GPC5: variants seen among roughly 807,000 people sequenced by gnomAD.
GPC5 encodes glypican-5.
In GPC5, 47 loss-of-function variants were observed where a neutral mutation model predicts 53.9. The observed-to-expected ratio is 0.87, with a 90% CI of 0.69 to 1.11. GPC5 has a LOEUF of 1.11. Ranked by LOEUF, GPC5 falls within the 50% of genes most tolerant of loss-of-function variation. The probability of loss-of-function intolerance (pLI) is 0.00; values close to 1 mark genes in which losing one functional copy is unlikely to be tolerated. For synonymous variants in GPC5, 286 were observed against 263.3 expected (o/e 1.09, Z -0.84); for missense variants, 748 against 713.1 (o/e 1.05, Z -0.56).
intron 2 of GPC5, among the ~76,000 whole-genome samples, chr13:91,675,205 A>C (rs976770836): frequency 1.3e-5 from 2 of 152,148 alleles, no homozygotes; most frequent in Admixed American, 6.6e-5. Flanking sequence ...AAATGGTAGA[A>C]AAGACAAAGC....
intron 7 of GPC5, among the ~76,000 whole-genome samples, chr13:92,420,309 A>T (rs1876500614): frequency 6.6e-6 from 1 of 152,102 alleles, no homozygotes; most frequent in African/African-American, 2.4e-5. Flanking sequence ...CTTCTAAGAG[A>T]ATTTCTTACA....
intron 6 of GPC5, among the ~76,000 whole-genome samples, chr13:92,131,536 A>C (rs2041743348): frequency 6.6e-6 from 1 of 152,024 alleles, no homozygotes; most frequent in South Asian, 2.1e-4. Context: ...AATCTCATAA[A>C]TGTTTAAAAC....
intron 5 of GPC5, among the ~76,000 whole-genome samples, chr13:91,881,204 T>G (rs1019157600): frequency 6.6e-6 from 1 of 152,122 alleles, no homozygotes; most frequent in African/African-American, 2.4e-5. Context: ...AGGTGTCTCA[T>G]TTTTTAAATT....
intron 6 of GPC5, among the ~76,000 whole-genome samples, chr13:91,987,776 TTA>T (rs1024364212): frequency 6.9e-6 from 1 of 145,378 alleles, no homozygotes; most frequent in Admixed American, 7.1e-5. Context: ...ATAATACTAT[TTA>T]TATATATAGT....
At chr13:91,494,051 A>AT (rs927959425) in intron 2 of GPC5, among the ~76,000 whole-genome samples, 1 of 148,490 alleles carries the variant, frequency 6.7e-6, no homozygotes, top group African/African-American at 2.5e-5. Flanking sequence ...TTTTTTTTTT[A>AT]TTTTTTATTT....
intron 2 of GPC5, among the ~76,000 whole-genome samples, chr13:91,566,870 A>G (rs1175420731): frequency 6.6e-6 from 1 of 152,106 alleles, no homozygotes; most frequent in Admixed American, 6.6e-5. Context: ...TTGAGTAAAT[A>G]TTCATCAAAA....
At chr13:92,608,241 C>T (rs1884317957) in intron 7 of GPC5, among the ~76,000 whole-genome samples, 1 of 152,166 alleles carries the variant, frequency 6.6e-6, no homozygotes, top group African/African-American at 2.4e-5. Flanking sequence ...ACCTCCAACT[C>T]TTACATTCTT....
At chr13:92,174,679 G>A (rs1261222005) in intron 7 of GPC5, among the ~76,000 whole-genome samples, 1 of 152,102 alleles carries the variant, frequency 6.6e-6, no homozygotes, top group African/African-American at 2.4e-5. Flanking sequence ...TGAGCACCTT[G>A]CTGGGCATCA....
intron 7 of GPC5, among the ~76,000 whole-genome samples, chr13:92,524,257 C>T (rs1439587885): frequency 1.3e-5 from 2 of 152,054 alleles, no homozygotes; most frequent in Admixed American, 6.6e-5. Context: ...CATTTGTTGT[C>T]ATTTCAGCAA....
chr13:92,579,306 CCT>C (rs1566302860), intron 7 of GPC5, among the ~76,000 whole-genome samples: 14 of 51,172 alleles, frequency 2.7e-4, no homozygotes, highest in African/African-American at 3.7e-4. Flanking sequence ...TCTCTCCCTC[CCT>C]CCCTCCCTCC....
chr13:91,496,755 T>C (rs1242472927), intron 2 of GPC5, among the ~76,000 whole-genome samples: 2 of 152,132 alleles, frequency 1.3e-5, no homozygotes, highest in Admixed American at 6.6e-5. Flanking sequence ...CAATAATTTA[T>C]AGTACATTCA....
chr13:92,782,512 T>C (rs190261908), intron 7 of GPC5, among the ~76,000 whole-genome samples: 3 of 152,224 alleles, frequency 2.0e-5, no homozygotes, highest in South Asian at 4.1e-4. Context: ...CTAAAGAATG[T>C]GGAAAGAGGA....
chr13:92,625,881 G>A (rs1885030970), intron 7 of GPC5, among the ~76,000 whole-genome samples: 1 of 152,074 alleles, frequency 6.6e-6, no homozygotes, highest in African/African-American at 2.4e-5. Flanking sequence ...AGAGTGAGGT[G>A]GTCACATGGG....
intron 6 of GPC5, among the ~76,000 whole-genome samples, chr13:92,103,018 G>C (rs998887872): frequency 1.3e-5 from 2 of 152,138 alleles, no homozygotes; most frequent in African/African-American, 4.8e-5. Flanking sequence ...TACCACACCT[G>C]GCTGTTTTTT....
chr13:91,477,239 G>A (rs1057504984), intron 2 of GPC5, among the ~76,000 whole-genome samples: 9 of 151,982 alleles, frequency 5.9e-5, no homozygotes. Flanking sequence ...AAATTATAAG[G>A]CCCTGGACTA....
chr13:92,238,058 T>C (rs2042583002), intron 7 of GPC5, among the ~76,000 whole-genome samples: 1 of 152,096 alleles, frequency 6.6e-6, no homozygotes, highest in South Asian at 2.1e-4. Context: ...GTTTATCCAC[T>C]TTTCTTTCAA....
At chr13:91,768,136 T>C (rs1415608293) in intron 5 of GPC5, among the ~76,000 whole-genome samples, 1 of 152,182 alleles carries the variant, frequency 6.6e-6, no homozygotes, top group Non-Finnish European at 1.5e-5. Flanking sequence ...TGATTTATTA[T>C]ATATTAAAGT....
intron 6 of GPC5, among the ~76,000 whole-genome samples, chr13:92,088,866 T>C (rs775561948): frequency 1.3e-5 from 2 of 152,146 alleles, no homozygotes; most frequent in South Asian, 2.1e-4. Flanking sequence ...TTTTTAAACA[T>C]TGAGAATAAA....
At chr13:92,527,156 GAAAGAAAGAAAGAAAGAGAAAGAAAGA>G (rs1566276633) in intron 7 of GPC5, among the ~76,000 whole-genome samples, 10 of 108,228 alleles carry the variant, frequency 9.2e-5, no homozygotes, top group African/African-American at 3.2e-4. Context: ...AAGAAAGAAA[GAAAGAAAGAAAGAAAGAGAAAGAAAGA>G]AGAAAGAAAG....
Sources: allele counts gnomAD v4.1 joint callset (sites outside exome capture counted in the v4.1 genomes callset), GRCh38; gene constraint gnomAD v4.1.1; transcripts MANE v1.5; gene names NCBI Gene and HGNC (gene_info 2026-07-23, HGNC 2026-07-21).